The following GCM2 variants were observed in gnomAD, a reference collection of about 807,000 sequenced individuals.
GCM2 encodes GCM transcription factor 2, also known as chorion-specific transcription factor GCMb.
Under a neutral mutation model 24.8 loss-of-function variants are expected in GCM2, and 21 were observed. The ratio of observed to expected loss-of-function variants is 0.85; its 90% CI spans 0.60 to 1.22. The LOEUF (loss-of-function observed/expected upper bound fraction) is 1.22, where lower values mean the gene tolerates loss of function less well. GCM2 is among the 50% of genes most tolerant of loss of function. GCM2 has a pLI of 0.00. For synonymous variants in GCM2, 222 were observed against 238.0 expected (o/e 0.93, Z 0.62); for missense variants, 532 against 645.6 (o/e 0.82, Z 1.91).
At position 10,881,934 on chromosome 6, in the gene GCM2, G is replaced by GA. The variant is rs1779966026; in HGVS notation, c.-142dup. The GA allele has an allele frequency of 1.4e-6, 1 of 717,986 alleles. No individual in the cohort carries two copies. Among genetic ancestry groups the GA allele is most frequent in the African/African-American group, 1.8e-5 (1 of 57,092 alleles). The allele number at this position is 717,986 out of a possible 1,614,324, so 44.5% of individuals were successfully genotyped here. A position where few individuals can be genotyped will look rare whatever the true frequency, so the allele number is the denominator to read the frequency against. On this transcript the variant is annotated 5_prime_UTR_variant, in exon 1 of 5. The change creates a premature stop within an existing upstream ORF in the 5' untranslated region. Transcript: ENST00000379491. The stretch of plus-strand genomic sequence containing the variant: ...GGGGAGGTGCAGAGAGAGAGAAAGA[G>GA]AGAGAGGCTGTTTAGATATCTGGAA...
Position 10,874,738 on chromosome 6 carries a change from T to G in GCM2, c.778A>C (p.Lys260Gln). ...AAATAGATTCTTGGGCTTGAGTATT[T>G]CTGGAAGGGTGGCATTTTGTCTCCT... ...FQGDKMPPFQ[K>Q]YSSPRIYLPR... Residue 260 changes from lysine to glutamine, a missense_variant, in exon 5 of 5, where the codon AAA becomes CAA. Lys to Gln is a moderately conservative substitution (Grantham distance 53). Transcript: ENST00000379491. 6.2e-7 allele frequency: 1 copy of G among 1,614,176 alleles called. No individual in the cohort carries two copies. The highest frequency in any genetic ancestry group is 1.6e-4 in the Middle Eastern group (1 of 6,062).
intron 1 of GCM2, among the ~76,000 whole-genome samples, chr6:10,877,981 A>C (rs1261156039): frequency 6.6e-6 from 1 of 152,198 alleles, no homozygotes; most frequent in Non-Finnish European, 1.5e-5. Flanking sequence ...TAGCAGTGGC[A>C]CCCAGAGTAA....
At chr6:10,880,535 C>G (rs562737995) in intron 1 of GCM2, among the ~76,000 whole-genome samples, 3 of 152,214 alleles carry the variant, frequency 2.0e-5, no homozygotes, top group South Asian at 4.1e-4. Flanking sequence ...CCCCCCACCC[C>G]CTACAGCCAG....
chr6:10,873,754 A>G lies in GCM2; in HGVS notation c.*241T>C. On this transcript the variant is annotated 3_prime_UTR_variant, in exon 5 of 5. Coordinates refer to ENST00000379491, the MANE Select transcript of GCM2 (RefSeq NM_004752.4). ...GTTTGCTTATTTGTTCATTTGAGAG[A>G]CTCACACTTTCCTCACTACTTCTAT... 1 of 556,446 alleles carries G rather than the reference A, an allele frequency of 1.8e-6. No homozygotes were observed. Among genetic ancestry groups the G allele is most frequent in the Non-Finnish European group, 3.2e-6 (1 of 308,532 alleles). The allele number at this position is 556,446 out of a possible 1,614,324, so 34.5% of individuals were successfully genotyped here.
At chr6:10,876,046 T>C in intron 3 of GCM2, 30 bp from the exon 4 acceptor site, 3 of 1,613,358 alleles carry the variant, frequency 1.9e-6, no homozygotes, top group Non-Finnish European at 2.5e-6. Flanking sequence ...AATCATACAT[T>C]TGTGCCTCTA....
At chr6:10,878,915 C>T (rs1451555278) in intron 1 of GCM2, among the ~76,000 whole-genome samples, 2 of 152,092 alleles carry the variant, frequency 1.3e-5, no homozygotes, top group Non-Finnish European at 2.9e-5. Flanking sequence ...TAGCAGTAAG[C>T]CATTTGCATC....
In GCM2 at chr6:10,874,858, C is replaced by T; in HGVS notation, c.658G>A (p.Val220Ile). The T allele has an allele frequency of 1.9e-6, 3 of 1,613,970 alleles. No individual in the cohort carries two copies. Among genetic ancestry groups the T allele is most frequent in the Non-Finnish European group, 2.5e-6 (3 of 1,179,866 alleles). ...PLENPEDFDI[V>I]TETSFPIPGQ... ...GGAATAGGGAAGCTGGTTTCAGTAACTATATCAAAGTCTTCTGGATTTTCC... is the reference window on the plus strand; with the variant it reads ...GGAATAGGGAAGCTGGTTTCAGTAATTATATCAAAGTCTTCTGGATTTTCC... The change falls in exon 5 of 5, where the codon GTT becomes ATT. Residue 220 changes from valine to isoleucine, a missense_variant. Val to Ile is a conservative substitution (Grantham distance 29). Coordinates refer to ENST00000379491, the MANE Select transcript of GCM2 (RefSeq NM_004752.4).
Position 10,874,411 on chromosome 6 carries a change from G to A in GCM2, c.1105C>T (p.Leu369Phe), listed in dbSNP as rs772035140. ...GGGGCACCTGGTGGTGGAGTCGTGA[G>A]GTACCTGCAGGGAAGCTCTGGGTTA... ...YYNPELPCRY[L>F]TTPPPGAPAL... Residue 369 changes from leucine (L) to phenylalanine (F), a missense_variant, in exon 5 of 5, where the codon CTC becomes TTC. Coordinates refer to ENST00000379491, the MANE Select transcript of GCM2 (RefSeq NM_004752.4). The A allele has an allele frequency of 1.9e-6, 3 of 1,614,102 alleles. No homozygotes were observed. The highest frequency in any genetic ancestry group is 2.7e-5 in the African/African-American group (2 of 74,938).
At position 10,873,816 on chromosome 6, in the gene GCM2, C is replaced by T. The variant is rs1016155800; in HGVS notation, c.*179G>A. ...AGTTTCAAAATGCTGTGTGAAATTT[C>T]CCATATTATCTAATCATTTCCAACT... On this transcript the variant is annotated 3_prime_UTR_variant, in exon 5 of 5. Transcript: ENST00000379491. 1.5e-6 allele frequency: 1 copy of T among 656,594 alleles called. No homozygotes were observed. The highest frequency in any genetic ancestry group is 2.7e-6 in the Non-Finnish European group (1 of 364,134). 40.7% of individuals were successfully genotyped at this position (656,594 alleles called of 1,614,324 possible).
chr6:10,876,700 C>T (rs187895332), intron 2 of GCM2, 143 bp from the exon 3 acceptor site: 76 of 685,492 alleles, frequency 1.1e-4, no homozygotes, highest in Admixed American at 6.9e-4. Context: ...GAGGCCGAGG[C>T]GGGTGGATCA....
chr6:10,873,703 C>G lies in GCM2; in HGVS notation c.*292G>C, dbSNP rs529312846. On this transcript the variant is annotated 3_prime_UTR_variant, in exon 5 of 5. Transcript: ENST00000379491. Reference sequence around the variant, plus strand: ...TACTCCTGCTAATAAGCTAAGTGAACTTAGGTCAGTATTTAACCTCCTACA... The same window carrying G: ...TACTCCTGCTAATAAGCTAAGTGAAGTTAGGTCAGTATTTAACCTCCTACA... 7.0e-6 allele frequency: 3 copies of G among 431,436 alleles called. No individual in the cohort carries two copies. Among genetic ancestry groups the G allele is most frequent in the South Asian group, 6.5e-5 (3 of 45,930 alleles). The allele number at this position is 431,436 out of a possible 1,614,324, so 26.7% of individuals were successfully genotyped here. A position where few individuals can be genotyped will look rare whatever the true frequency, so the allele number is the denominator to read the frequency against.
In GCM2 at chr6:10,877,245, A is replaced by G; in HGVS notation, c.238T>C (p.Ser80Pro). 1.2e-6 allele frequency: 2 copies of G among 1,614,198 alleles called. No individual in the cohort carries two copies. The highest frequency in any genetic ancestry group is 3.3e-5 in the Admixed American group (2 of 60,026). The change falls in exon 2 of 5, where the codon TCG becomes CCG. Residue 80 changes from serine (S) to proline (P), a missense_variant. Physicochemically the swap from Ser to Pro is moderately conservative, Grantham distance 74. Around this residue, in one of 3 missense-constraint regions of GCM2, gnomAD observed 2 missense variants for 20.2 expected, o/e 0.10. Transcript: ENST00000379491. ...GTACACACCACCACACCCAGGCACG[A>G]CTTCTTGAGGATGTGGCCATTGTGG... is the stretch of plus-strand genomic sequence containing the variant. ...NNHNGHILKKSCLGVVVCTQA... is the reference protein window; with the variant it reads ...NNHNGHILKKPCLGVVVCTQA...
rs573752629 is a variant in GCM2, at chr6:10,880,423, A to G, written c.90+1281T>C. Among the ~76,000 whole-genome samples, 6 of 152,328 alleles carry G rather than the reference A, an allele frequency of 3.9e-5. No individual in the cohort carries two copies. In the South Asian group the frequency reaches 1.2e-3, roughly 32 times the overall value. On this transcript the variant is annotated intron_variant, in intron 1 of 4. Transcript: ENST00000379491. ...ATTCATCTGAACACCTATCAGACAC[A>G]TTTTAGTTGCGGACAAAATGACCCA...
Position 10,881,716 on chromosome 6 carries a change from C to G in GCM2, c.78G>C (p.Pro26=). Residue 26 remains proline, a synonymous_variant, in exon 1 of 5, where the codon CCG becomes CCC. Transcript: ENST00000379491. ...CCGGTTCACTTACCTGAGGCATCTGCGGATCGTTGATGTCCCAGCTGAGCT... is the reference window on the plus strand; with the variant it reads ...CCGGTTCACTTACCTGAGGCATCTGGGGATCGTTGATGTCCCAGCTGAGCT... ...GMQLSWDIND[P]QMPQELALFD... 6.2e-7 allele frequency: 1 copy of G among 1,611,396 alleles called. No homozygotes were observed. Among genetic ancestry groups the G allele is most frequent in the Non-Finnish European group, 8.5e-7 (1 of 1,179,462 alleles).
In GCM2 at chr6:10,877,046, G is replaced by C. The variant is rs2113248841; in HGVS notation, c.343+94C>G. On this transcript the variant is annotated intron_variant, in intron 2 of 4. Coordinates refer to ENST00000379491, the MANE Select transcript of GCM2 (RefSeq NM_004752.4). The stretch of plus-strand genomic sequence containing the variant: ...CCATTGCAGTCCAGCCTGAGTGACA[G>C]AGTGAGGCTCCATCTCAAACAAACA... The C allele has an allele frequency of 1.3e-5, 19 of 1,485,526 alleles. No individual in the cohort carries two copies. In the South Asian group the frequency reaches 2.2e-4, roughly 17 times the overall value. The allele number at this position is 1,485,526 out of a possible 1,614,324, so 92.0% of individuals were successfully genotyped here.
At position 10,874,751 on chromosome 6, in the gene GCM2, C is replaced by T; in HGVS notation, c.765G>A (p.Met255Ile). Residue 255 changes from methionine (M) to isoleucine (I), a missense_variant, in exon 5 of 5, where the codon ATG becomes ATA. Physicochemically the swap from Met to Ile is conservative, Grantham distance 10. This residue lies in a region of GCM2 where 434 missense variants were observed against 521.9 expected (regional missense o/e 0.83). Coordinates refer to ENST00000379491, the MANE Select transcript of GCM2 (RefSeq NM_004752.4). ...CDLATFQGDK[M>I]PPFQKYSSPR... is the part of the protein sequence containing the mutation. ...GGCTTGAGTATTTCTGGAAGGGTGGCATTTTGTCTCCTTGAAAGGTGGCTA... is the reference window on the plus strand; with the variant it reads ...GGCTTGAGTATTTCTGGAAGGGTGGTATTTTGTCTCCTTGAAAGGTGGCTA... 6.2e-7 allele frequency: 1 copy of T among 1,614,042 alleles called. No homozygotes were observed.
At chr6:10,875,729 T>C (rs1374472485) in intron 4 of GCM2, among the ~76,000 whole-genome samples, 162 bp downstream of exon 4, 1 of 152,216 alleles carries the variant, frequency 6.6e-6, no homozygotes, top group Non-Finnish European at 1.5e-5. Flanking sequence ...TTAGAAACCC[T>C]GTCCAAATGT....
chr6:10,874,806 T>A lies in GCM2; in HGVS notation c.710A>T (p.Lys237Met). 1 of 1,613,300 alleles carries A rather than the reference T, an allele frequency of 6.2e-7. No homozygotes were observed. Among genetic ancestry groups the A allele is most frequent in the Non-Finnish European group, 8.5e-7 (1 of 1,179,554 alleles). The change falls in exon 5 of 5, where the codon AAG becomes ATG. Residue 237 changes from lysine to methionine, a missense_variant. Lys to Met is a moderately conservative substitution (Grantham distance 95). Transcript: ENST00000379491. ...ACAGGTAGCTTTGTAAACATCAGAC[T>A]TTGGGAAGGAAGGGCAAGGCTGCCC... is the stretch of plus-strand genomic sequence containing the variant. ...IPGQPCPSFP[K>M]SDVYKATCDL...
In GCM2 at chr6:10,874,166, A is replaced by C; in HGVS notation, c.1350T>G (p.Ile450Met). 1 of 1,614,182 alleles carries C rather than the reference A, an allele frequency of 6.2e-7. No individual in the cohort carries two copies. Among genetic ancestry groups the C allele is most frequent in the Non-Finnish European group, 8.5e-7 (1 of 1,180,032 alleles). ...ASPSGPPPMK[I>M]AGDCRAIRPT... The stretch of plus-strand genomic sequence containing the variant: ...GTCTGATGGCCCGGCAATCTCCTGC[A>C]ATTTTCATAGGAGGTGGCCCTGAAG... Residue 450 changes from isoleucine to methionine, a missense_variant, in exon 5 of 5, where the codon ATT becomes ATG. Ile to Met is a conservative substitution (Grantham distance 10, BLOSUM62 1). Transcript: ENST00000379491.
Sources: allele counts gnomAD v4.1 joint callset (sites outside exome capture counted in the v4.1 genomes callset), GRCh38; gene constraint gnomAD v4.1.1; regional missense constraint gnomAD v4.1.1; transcripts MANE v1.5; gene names NCBI Gene and HGNC (gene_info 2026-07-23, HGNC 2026-07-21).